ADAM2: variants seen among roughly 807,000 people sequenced by gnomAD.
The protein encoded by ADAM2 is ADAM metallopeptidase domain 2, also known as disintegrin and metalloproteinase domain-containing protein 2.
In ADAM2, 101 loss-of-function variants were observed where a neutral mutation model predicts 99.3. That is an observed-to-expected ratio of 1.02 (90% confidence interval 0.87 to 1.20). The LOEUF is 1.20. ADAM2 is among the 50% of genes most tolerant of loss of function. The pLI is 0.00. For missense variants in ADAM2, 948 were observed against 878.7 expected, an observed-to-expected ratio of 1.08 and a Z score of -1.00; for synonymous variants, 323 against 287.6, an observed-to-expected ratio of 1.12 and a Z score of -1.25.
At chr8:39,781,293 A>G (rs888808797) in intron 10 of ADAM2, among the ~76,000 whole-genome samples, 1 of 151,860 alleles carries the variant, frequency 6.6e-6, no homozygotes, top group African/African-American at 2.4e-5. Flanking sequence ...GTGTGTGCGC[A>G]TGTGTGTGTG....
intron 20 of ADAM2, 147 bp downstream of exon 20, chr8:39,744,683 A>C: frequency 1.9e-6 from 1 of 513,546 alleles, no homozygotes; most frequent in Non-Finnish European, 3.4e-6. Context: ...TACCTAATGC[A>C]TGTGGGGCTT....
chr8:39,837,097 A>G, intron 2 of ADAM2, 39 bp downstream of exon 2: 1 of 1,487,246 alleles, frequency 6.7e-7, no homozygotes, highest in Non-Finnish European at 9.2e-7. Context: ...AAATCTTTAC[A>G]TCATTTTAAA....
chr8:39,833,077 T>C (rs566867658), intron 3 of ADAM2, among the ~76,000 whole-genome samples: 1 of 152,186 alleles, frequency 6.6e-6, no homozygotes, highest in Non-Finnish European at 1.5e-5. Context: ...TACTGGTCAC[T>C]GACTTGCTCT....
chr8:39,826,634 A>ATC (rs1220333213), intron 3 of ADAM2, among the ~76,000 whole-genome samples: 1 of 152,030 alleles, frequency 6.6e-6, no homozygotes, highest in Non-Finnish European at 1.5e-5. Context: ...GAGGCAGGAG[A>ATC]ATGGTGTGAA....
intron 6 of ADAM2, among the ~76,000 whole-genome samples, chr8:39,810,447 A>C (rs530344846): frequency 2.0e-5 from 3 of 152,344 alleles, no homozygotes; most frequent in Non-Finnish European, 4.4e-5. Context: ...ATAGACATCT[A>C]CAGAACTCTC....
chr8:39,798,024 C>T (rs1229390203), intron 7 of ADAM2, among the ~76,000 whole-genome samples: 1 of 152,208 alleles, frequency 6.6e-6, no homozygotes, highest in Non-Finnish European at 1.5e-5. Flanking sequence ...TTTGAATACA[C>T]TTTATTTCTT....
intron 7 of ADAM2, among the ~76,000 whole-genome samples, chr8:39,807,050 C>T (rs557013155): frequency 6.6e-6 from 1 of 152,306 alleles, no homozygotes; most frequent in South Asian, 2.1e-4. Flanking sequence ...TTTGGATGGC[C>T]TTTGCCTGTA....
At chr8:39,806,996 A>G (rs1804468090) in intron 7 of ADAM2, among the ~76,000 whole-genome samples, 1 of 152,124 alleles carries the variant, frequency 6.6e-6, no homozygotes, top group Non-Finnish European at 1.5e-5. Context: ...GATACCCTGA[A>G]GGTGATTCAG....
intron 14 of ADAM2, among the ~76,000 whole-genome samples, chr8:39,763,381 G>C (rs1802449033): frequency 6.6e-6 from 1 of 152,164 alleles, no homozygotes; most frequent in African/African-American, 2.4e-5. Context: ...CCTGCAGCAA[G>C]GAGGTAAAGA....
At chr8:39,825,134 A>G (rs1342644362) in intron 3 of ADAM2, among the ~76,000 whole-genome samples, 1 of 152,158 alleles carries the variant, frequency 6.6e-6, no homozygotes, top group Non-Finnish European at 1.5e-5. Flanking sequence ...CTTGGACCTC[A>G]CGATATTTGT....
chr8:39,763,579 C>T (rs1342287450), intron 14 of ADAM2, among the ~76,000 whole-genome samples: 1 of 152,228 alleles, frequency 6.6e-6, no homozygotes, highest in Non-Finnish European at 1.5e-5. Context: ...AGACCACCTA[C>T]AACATGCTAA....
chr8:39,820,386 TA>T (rs1805126017), intron 6 of ADAM2, among the ~76,000 whole-genome samples: 1 of 152,146 alleles, frequency 6.6e-6, no homozygotes, highest in South Asian at 2.1e-4. Context: ...ACTGAATTCC[TA>T]ACCTCCCATG....
chr8:39,819,585 T>A (rs1276878795), intron 6 of ADAM2, among the ~76,000 whole-genome samples: 2 of 152,136 alleles, frequency 1.3e-5, no homozygotes, highest in Non-Finnish European at 2.9e-5. Context: ...AGCACATTAC[T>A]CTTCATTATG....
chr8:39,836,691 A>T (rs1238965404), intron 2 of ADAM2, among the ~76,000 whole-genome samples: 1 of 152,236 alleles, frequency 6.6e-6, no homozygotes, highest in African/African-American at 2.4e-5. Context: ...TGAAAGAAAG[A>T]GTTCTAATCA....
In ADAM2 at chr8:39,834,009, G is replaced by C; in HGVS notation, c.133-10C>G. 6.5e-7 allele frequency: 1 copy of C among 1,531,758 alleles called. No individual in the cohort carries two copies. 94.9% of individuals were successfully genotyped at this position (1,531,758 alleles called of 1,614,324 possible). ...CAATTTTGTAGGATGCCTGGCAGGAGAGCACAGTAAAAATACAAAGAAAAT... is the reference window on the plus strand; with the variant it reads ...CAATTTTGTAGGATGCCTGGCAGGACAGCACAGTAAAAATACAAAGAAAAT... On this transcript the variant is annotated splice_polypyrimidine_tract_variant and intron_variant, in intron 2 of 20. Transcript: ENST00000265708.
At chr8:39,825,158 C>T (rs956509621) in intron 3 of ADAM2, among the ~76,000 whole-genome samples, 2 of 152,130 alleles carry the variant, frequency 1.3e-5, no homozygotes, top group Non-Finnish European at 2.9e-5. Context: ...ATTTTGTTGG[C>T]CATTCCTGGA....
At position 39,765,025 on chromosome 8, in the gene ADAM2, A is replaced by AT. The variant is rs1802515591; in HGVS notation, c.1507+1822_1507+1823insA. ...GCGACAGAGCAAGACTCCGGCTCCA[A>AT]AAAATAAATAAATAAATAAATAAAT... On this transcript the variant is annotated intron_variant, in intron 14 of 20. Transcript: ENST00000265708. Among the ~76,000 whole-genome samples the AT allele has an allele frequency of 3.5e-5, 4 of 114,120 alleles. No homozygotes were observed. The Admixed American group carries it at 4.0e-4, about 11-fold the overall frequency. 74.9% of individuals were successfully genotyped at this position (114,120 alleles called of 152,430 possible).
At position 39,788,708 on chromosome 8, in the gene ADAM2, G is replaced by C. The variant is rs199916948; in HGVS notation, c.603C>G (p.Val201=). ...CAATCAACTGGAAAACTTTTTGAGCGACAACAGTTGTATCAGACCCCATAT... is the reference window on the plus strand; with the variant it reads ...CAATCAACTGGAAAACTTTTTGAGCCACAACAGTTGTATCAGACCCCATAT... ...YNHMGSDTTV[V]AQKVFQLIGL... The change falls in exon 8 of 21, where the codon GTC becomes GTG. Residue 201 remains valine (V), a synonymous_variant. Coordinates refer to ENST00000265708, the MANE Select transcript of ADAM2 (RefSeq NM_001464.5). The C allele has an allele frequency of 1.1e-5, 18 of 1,577,440 alleles. No individual in the cohort carries two copies. In the South Asian group the frequency reaches 1.9e-4, roughly 16 times the overall value.
intron 7 of ADAM2, among the ~76,000 whole-genome samples, chr8:39,790,854 G>C (rs1803682284): frequency 6.6e-6 from 1 of 151,798 alleles, no homozygotes; most frequent in Non-Finnish European, 1.5e-5. Context: ...GAAAAGAGAG[G>C]ATTAAATGTA....
Sources: allele counts gnomAD v4.1 joint callset (sites outside exome capture counted in the v4.1 genomes callset), GRCh38; gene constraint gnomAD v4.1.1; transcripts MANE v1.5; gene names NCBI Gene and HGNC (gene_info 2026-07-23, HGNC 2026-07-21).